ZSWIM9: variants seen among roughly 807,000 people sequenced by gnomAD.
ZSWIM9 encodes the protein zinc finger SWIM-type containing 9, also known as uncharacterized protein ZSWIM9.
A neutral mutation model predicts 25.0 loss-of-function variants in ZSWIM9; 11 were observed. The observed-to-expected ratio is 0.44, with a 90% CI of 0.28 to 0.73. The LOEUF is 0.73. Ranked by LOEUF, ZSWIM9 falls within the 30% of genes least tolerant of loss-of-function variation. The probability of loss-of-function intolerance (pLI) is 0.16; values close to 1 mark genes in which losing one functional copy is unlikely to be tolerated. For synonymous variants in ZSWIM9, 562 were observed against 582.1 expected, an observed-to-expected ratio of 0.97 and a Z score of 0.50; for missense variants, 1,070 against 1,296.5, an observed-to-expected ratio of 0.83 and a Z score of 2.68.
chr19:48,187,559 ATATATAATAT>A, intron 3 of ZSWIM9: 1 of 25,098 alleles, frequency 4.0e-5, no homozygotes, highest in South Asian at 1.3e-3. Flanking sequence ...TATATATATT[ATATATAATAT>A]TATATATATT....
intron 2 of ZSWIM9, among the ~76,000 whole-genome samples, chr19:48,173,944 CAG>C (rs1024107239): frequency 5.9e-5 from 9 of 152,124 alleles, no homozygotes; most frequent in Non-Finnish European, 1.3e-4. Flanking sequence ...CAGTTTTAAA[CAG>C]GGGTTGTTCC....
At chr19:48,179,369 A>G (rs924533918) in intron 2 of ZSWIM9, among the ~76,000 whole-genome samples, 4 of 151,594 alleles carry the variant, frequency 2.6e-5, no homozygotes, top group Admixed American at 2.0e-4. Context: ...GGCTCTTGCT[A>G]TGTTGCCCAG....
Position 48,196,632 on chromosome 19 carries a change from C to T in ZSWIM9, c.2568C>T (p.Thr856=), listed in dbSNP as rs45539734. The T allele has an allele frequency of 0.01, 12,567 of 1,232,510 alleles. 96 individuals carry two copies. Among genetic ancestry groups the T allele is most frequent in the Non-Finnish European group, 0.011 (11,008 of 988,292 alleles). 76.3% of individuals were successfully genotyped at this position (1,232,510 alleles called of 1,614,324 possible). A position where few individuals can be genotyped will look rare whatever the true frequency, so the allele number is the denominator to read the frequency against. The part of the protein sequence containing the change: ...RQHGTRGFHW[T]GAGFALKDGT... ...ATGGGACCCGGGGTTTCCACTGGACCGGAGCTGGCTTTGCCCTTAAGGACG... is the reference window on the plus strand; with the variant it reads ...ATGGGACCCGGGGTTTCCACTGGACTGGAGCTGGCTTTGCCCTTAAGGACG... Residue 856 remains threonine (T), a synonymous_variant, in exon 4 of 4, where the codon ACC becomes ACT. Coordinates refer to ENST00000614654, the MANE Select transcript of ZSWIM9 (RefSeq NM_199341.4).
chr19:48,195,253 G>A lies in ZSWIM9; in HGVS notation c.1189G>A (p.Ala397Thr), dbSNP rs1433857909. Residue 397 changes from alanine (A) to threonine (T), a missense_variant, in exon 4 of 4, where the codon GCC becomes ACC. By Grantham distance (58) the Ala-to-Thr change is moderately conservative. Around this residue, in one of 4 missense-constraint regions of ZSWIM9, gnomAD observed 184 missense variants for 243.1 expected, o/e 0.76. Transcript: ENST00000614654. This position sits in a 1 kb window ranked among gnomAD's most constrained non-coding sequence, Gnocchi z 5.8. ...MWVRFRAFEA[A>T]RDLDACALVR... ...GGTCCGCTTCCGCGCCTTCGAGGCG[G>A]CCAGAGACCTGGACGCGTGTGCCCT... 6.5e-7 allele frequency: 1 copy of A among 1,529,696 alleles called. No homozygotes were observed. Among genetic ancestry groups the A allele is most frequent in the South Asian group, 1.2e-5 (1 of 83,942 alleles). The allele number at this position is 1,529,696 out of a possible 1,614,324, so 94.8% of individuals were successfully genotyped here.
At chr19:48,187,480 T>TATATATTATATTATA (rs2037033051) in intron 3 of ZSWIM9, among the ~76,000 whole-genome samples, 1 of 65,972 alleles carries the variant, frequency 1.5e-5, no homozygotes, top group African/African-American at 6.8e-5. Context: ...TTATATATAT[T>TATATATTATATTATA]ATATATTATA....
Position 48,196,331 on chromosome 19 carries a change from G to A in ZSWIM9, c.2267G>A (p.Gly756Glu), listed in dbSNP as rs2037164969. 2.4e-6 allele frequency: 3 copies of A among 1,233,414 alleles called. No individual in the cohort carries two copies. The highest frequency in any genetic ancestry group is 8.2e-5 in the South Asian group (2 of 24,420). The allele number at this position is 1,233,414 out of a possible 1,614,324, so 76.4% of individuals were successfully genotyped here. The change falls in exon 4 of 4, where the codon GGG becomes GAG. Residue 756 changes from glycine (G) to glutamate (E), a missense_variant. By Grantham distance (98) the Gly-to-Glu change is moderately conservative. Coordinates refer to ENST00000614654, the MANE Select transcript of ZSWIM9 (RefSeq NM_199341.4). ...GRGMEWGDAG[G>E]RCLGLGNGVV... Reference sequence around the variant, plus strand: ...GGGATGGAGTGGGGAGACGCAGGAGGGCGGTGTCTAGGGCTGGGGAATGGA... The same window carrying A: ...GGGATGGAGTGGGGAGACGCAGGAGAGCGGTGTCTAGGGCTGGGGAATGGA...
chr19:48,187,511 TTA>T (rs1170673030), intron 3 of ZSWIM9, among the ~76,000 whole-genome samples: 10 of 82,538 alleles, frequency 1.2e-4, no homozygotes, highest in Non-Finnish European at 2.0e-4. Context: ...TTATATTATA[TTA>T]TATATATTAT....
chr19:48,177,489 C>T (rs1319702120), intron 2 of ZSWIM9, among the ~76,000 whole-genome samples: 1 of 152,110 alleles, frequency 6.6e-6, no homozygotes, highest in Non-Finnish European at 1.5e-5. Context: ...GTGGAATTTA[C>T]ATTTAGCGGG....
chr19:48,172,996 C>T (rs750118663), intron 2 of ZSWIM9, among the ~76,000 whole-genome samples: 3 of 152,104 alleles, frequency 2.0e-5, no homozygotes, highest in Non-Finnish European at 4.4e-5. Flanking sequence ...GAGACAGAGA[C>T]TGGGAGACTG....
chr19:48,187,501 T>TATTATATATTATATTATAA (rs2037034942), intron 3 of ZSWIM9, among the ~76,000 whole-genome samples: 1 of 4,972 alleles, frequency 2.0e-4, no homozygotes, highest in Admixed American at 4.7e-3. Flanking sequence ...TTATAATATA[T>TATTATATATTATATTATAA]TATATTATAT....
chr19:48,175,351 A>C (rs1479660992), intron 2 of ZSWIM9, among the ~76,000 whole-genome samples: 1 of 151,994 alleles, frequency 6.6e-6, no homozygotes, highest in Non-Finnish European at 1.5e-5. Context: ...TTCAGGAACG[A>C]TATCTTGGAG....
At chr19:48,172,182 G>A (rs1433712778) in intron 2 of ZSWIM9, 105 bp downstream of exon 2, 2 of 1,197,040 alleles carry the variant, frequency 1.7e-6, no homozygotes, top group African/African-American at 1.5e-5. Context: ...TGCAGAGGGG[G>A]AGAGGCCAAC....
In ZSWIM9 at chr19:48,195,190, T is replaced by C; in HGVS notation, c.1126T>C (p.Tyr376His). ...HAHGPAAFVD[Y>H]FERNWEPRRD... ...CCACGGCCCAGCCGCCTTCGTGGAC[T>C]ACTTCGAGCGCAACTGGGAGCCCCG... Residue 376 changes from tyrosine (Y) to histidine (H), a missense_variant, in exon 4 of 4, where the codon TAC (tyrosine) becomes CAC (histidine). Coordinates refer to ENST00000614654, the MANE Select transcript of ZSWIM9 (RefSeq NM_199341.4). The surrounding 1 kb of genome is among the most constrained non-coding windows in gnomAD (Gnocchi z 5.8). 1 of 1,524,828 alleles carries C rather than the reference T, an allele frequency of 6.6e-7. No homozygotes were observed. The highest frequency in any genetic ancestry group is 8.8e-7 in the Non-Finnish European group (1 of 1,140,608). The allele number at this position is 1,524,828 out of a possible 1,614,324, so 94.5% of individuals were successfully genotyped here. A position where few individuals can be genotyped will look rare whatever the true frequency, so the allele number is the denominator to read the frequency against.
Position 48,182,491 on chromosome 19 carries a change from C to G in ZSWIM9, c.312C>G (p.Val104=). The G allele has an allele frequency of 6.5e-7, 1 of 1,535,550 alleles. No homozygotes were observed. The highest frequency in any genetic ancestry group is 8.7e-7 in the Non-Finnish European group (1 of 1,146,570). Reference sequence around the variant, plus strand: ...CCGGCTGCCCCGCCTTCATCATCGTCAAGCTGAGCCCGCTGCGGGACCGCC... The same window carrying G: ...CCGGCTGCCCCGCCTTCATCATCGTGAAGCTGAGCCCGCTGCGGGACCGCC... ...PQPGCPAFII[V]KLSPLRDRLV... is the part of the protein sequence containing the mutation. The change falls in exon 3 of 4, where the codon GTC becomes GTG. Residue 104 remains valine, a synonymous_variant. Transcript: ENST00000614654. This position sits in a 1 kb window ranked among gnomAD's most constrained non-coding sequence, Gnocchi z 4.6.
rs1427764614 is a variant in ZSWIM9, at chr19:48,196,566, G to A, written c.2502G>A (p.Leu834=). 3 of 1,232,494 alleles carry A rather than the reference G, an allele frequency of 2.4e-6. No homozygotes were observed. Among genetic ancestry groups the A allele is most frequent in the African/African-American group, 1.6e-5 (1 of 64,392 alleles). The allele number at this position is 1,232,494 out of a possible 1,614,324, so 76.3% of individuals were successfully genotyped here. A position where few individuals can be genotyped will look rare whatever the true frequency, so the allele number is the denominator to read the frequency against. Residue 834 remains leucine (L), a synonymous_variant, in exon 4 of 4, where the codon CTG becomes CTA. Coordinates refer to ENST00000614654, the MANE Select transcript of ZSWIM9 (RefSeq NM_199341.4). ...TCCGAGCAGCCTGCGGGCCAGAGCT[G>A]GCAGACCTGGTGGCTGAGGAGTTGG... is the stretch of plus-strand genomic sequence containing the variant. The part of the protein sequence containing the change: ...AKFRAACGPE[L]ADLVAEELAF...
At chr19:48,187,939 AATAGATAGATAGATAGATAGATAG>A (rs58658973) in intron 3 of ZSWIM9, among the ~76,000 whole-genome samples, 53 of 140,274 alleles carry the variant, frequency 3.8e-4, no homozygotes, top group African/African-American at 1.4e-3. Flanking sequence ...AGACCCTTTA[AATAGATAGATAGATAGATAGATAG>A]ATAGATAGAT....
chr19:48,187,173 G>C (rs1224269884), intron 3 of ZSWIM9, among the ~76,000 whole-genome samples: 1 of 141,806 alleles, frequency 7.1e-6, no homozygotes, highest in Non-Finnish European at 1.5e-5. Flanking sequence ...CCAAAGTTCT[G>C]TCCCTATCAT....
Position 48,195,984 on chromosome 19 carries a change from G to A in ZSWIM9, c.1920G>A (p.Leu640=). ...TGCACGATGAAAGGGCAGGGGGACT[G>A]AGAACTGCAGAATGGAAGGGGCCAC... ...AQLHDERAGG[L]RTAEWKGPQS... is the part of the protein sequence containing the mutation. The change falls in exon 4 of 4, where the codon CTG becomes CTA. Residue 640 remains leucine (L), a synonymous_variant. Transcript: ENST00000614654. This position sits in a 1 kb window ranked among gnomAD's most constrained non-coding sequence, Gnocchi z 5.8. 1 of 1,302,102 alleles carries A rather than the reference G, an allele frequency of 7.7e-7. No individual in the cohort carries two copies. The highest frequency in any genetic ancestry group is 9.7e-7 in the Non-Finnish European group (1 of 1,028,832). 80.7% of individuals were successfully genotyped at this position (1,302,102 alleles called of 1,614,324 possible). A position where few individuals can be genotyped will look rare whatever the true frequency, so the allele number is the denominator to read the frequency against.
At chr19:48,191,428 C>T (rs2037093479) in intron 3 of ZSWIM9, among the ~76,000 whole-genome samples, 1 of 152,166 alleles carries the variant, frequency 6.6e-6, no homozygotes, top group Admixed American at 6.5e-5. Context: ...TGGTCTTGAA[C>T]TCCTGACCTC....
Sources: gnomAD v4.1 joint callset for allele counts (sites outside exome capture counted in the v4.1 genomes callset) on GRCh38, gnomAD v4.1.1 for gene constraint, gnomAD v4.1.1 regional missense constraint, Gnocchi (gnomAD v3.1) non-coding constraint, MANE v1.5 for transcripts, NCBI Gene and HGNC (gene_info 2026-07-23, HGNC 2026-07-21) for gene names.